Variants in FAM13B observed in about 807,000 individuals in gnomAD.
The protein encoded by FAM13B is protein FAM13B.
FAM13B carries 60 observed loss-of-function variants against 117.3 expected under a neutral mutation model. The observed-to-expected ratio is 0.51, with a 90% confidence interval of 0.42 to 0.63. The LOEUF is 0.63. FAM13B is among the 30% of genes least tolerant of loss of function. The pLI is 0.00. For synonymous variants in FAM13B, 332 were observed against 356.1 expected (o/e 0.93, Z 0.76); for missense variants, 972 against 1,091.9 (o/e 0.89, Z 1.55).
At position 137,960,189 on chromosome 5, in the gene FAM13B, C is replaced by T. The variant is rs1317713137; in HGVS notation, c.1270G>A (p.Asp424Asn). 1 of 1,532,590 alleles carries T rather than the reference C, an allele frequency of 6.5e-7. No homozygotes were observed. Among genetic ancestry groups the T allele is most frequent in the Non-Finnish European group, 8.9e-7 (1 of 1,120,352 alleles). The allele number at this position is 1,532,590 out of a possible 1,614,324, so 94.9% of individuals were successfully genotyped here. The stretch of plus-strand genomic sequence containing the variant: ...ACCAGAATCAAGTGTGACAATTTAT[C>T]ACTGTCAAATAACAAATATTCTTCC... ...EREEYLLFDS[D>N]KLSHLILDSS... The change falls in exon 12 of 24, where the codon GAT (aspartate) becomes AAT (asparagine). Residue 424 changes from aspartate to asparagine, a missense_variant. By Grantham distance (23) the Asp-to-Asn change is conservative (BLOSUM62 1). Coordinates refer to ENST00000689681, the MANE Select transcript of FAM13B (RefSeq NM_001385994.1).
At position 138,011,009 on chromosome 5, in the gene FAM13B, T is replaced by C. The variant is rs896489183; in HGVS notation, c.689A>G (p.Gln230Arg). ...SSNDLSSITE[Q>R]VNELSEEEEE... is the part of the protein sequence containing the mutation. ...TCCCTCCAAATAGAATATTCTCACC[T>C]GTTCAGTAATTGAACTCAAATCATT... Residue 230 changes from glutamine (Q) to arginine (R), a missense_variant and splice_region_variant, in exon 6 of 24, where the codon CAG becomes CGG. Physicochemically the swap from Gln to Arg is conservative, Grantham distance 43. Transcript: ENST00000689681. 1.3e-6 allele frequency: 2 copies of C among 1,569,534 alleles called. No individual in the cohort carries two copies. The highest frequency in any genetic ancestry group is 2.7e-5 in the African/African-American group (2 of 72,728).
At chr5:137,948,877 C>A in intron 18 of FAM13B, 78 bp downstream of exon 18, 1 of 1,113,106 alleles carries the variant, frequency 9.0e-7, no homozygotes, top group Non-Finnish European at 1.3e-6. Flanking sequence ...ACCTAGACAT[C>A]TCTACCCTGC....
In FAM13B at chr5:137,966,488, T is replaced by TATAG. The variant is rs1461425784; in HGVS notation, c.1180-4020_1180-4019insCTAT. On this transcript the variant is annotated intron_variant, in intron 10 of 23. Transcript: ENST00000689681. ...ATATATATATATATATATATATATA[T>TATAG]AGAGAGAGAGAGAGAGAGAGAGAGA... is the stretch of plus-strand genomic sequence containing the variant. Among the ~76,000 whole-genome samples the TATAG allele has an allele frequency of 4.9e-3, 143 of 29,476 alleles. 1 individual carries two copies. Among genetic ancestry groups the TATAG allele is most frequent in the African/African-American group, 7.1e-3 (56 of 7,868 alleles). The allele number at this position is 29,476 out of a possible 152,430, so 19.3% of individuals were successfully genotyped here.
chr5:138,040,937 G>A (rs545012540), intron 1 of FAM13B, among the ~76,000 whole-genome samples: 3 of 151,706 alleles, frequency 2.0e-5, no homozygotes, highest in Non-Finnish European at 2.9e-5. Context: ...GGTGGCACAC[G>A]CCTGTAATCC....
chr5:138,039,452 AG>A (rs1791404046), intron 1 of FAM13B: 1 of 152,028 alleles, frequency 6.6e-6, no homozygotes, highest in African/African-American at 2.4e-5. Flanking sequence ...GTTGCTTCTC[AG>A]CACCTTTTTT....
At position 138,021,191 on chromosome 5, in the gene FAM13B, A is replaced by C. The variant is rs2150986956; in HGVS notation, c.-196T>G. On this transcript the variant is annotated 5_prime_UTR_variant, in exon 2 of 24. Transcript: ENST00000689681. ...TGCAGAACTCGATCAGTACTTCAGCAGTTAATCTACAAGACAAAAACAATT... is the reference window on the plus strand; with the variant it reads ...TGCAGAACTCGATCAGTACTTCAGCCGTTAATCTACAAGACAAAAACAATT... 8.1e-7 allele frequency: 1 copy of C among 1,231,662 alleles called. No individual in the cohort carries two copies. Among genetic ancestry groups the C allele is most frequent in the Non-Finnish European group, 1.0e-6 (1 of 987,898 alleles). The allele number at this position is 1,231,662 out of a possible 1,614,324, so 76.3% of individuals were successfully genotyped here.
At chr5:138,022,263 G>A (rs150454204) in intron 1 of FAM13B, among the ~76,000 whole-genome samples, 3 of 152,218 alleles carry the variant, frequency 2.0e-5, no homozygotes, top group African/African-American at 7.2e-5. Flanking sequence ...TAGAGAGAGA[G>A]AGAAGAACTT....
At chr5:138,004,347 A>G (rs1420123850) in intron 7 of FAM13B, among the ~76,000 whole-genome samples, 1 of 151,802 alleles carries the variant, frequency 6.6e-6, no homozygotes, top group African/African-American at 2.4e-5. Context: ...ACAAAACCAG[A>G]CAGATGATCG....
At chr5:137,960,259 C>G in intron 11 of FAM13B, 45 bp from the exon 12 acceptor site, 2 of 1,119,276 alleles carry the variant, frequency 1.8e-6, no homozygotes, top group Non-Finnish European at 2.6e-6. Flanking sequence ...AATAAAAAGG[C>G]TACTATCATT....
intron 14 of FAM13B, among the ~76,000 whole-genome samples, chr5:137,955,378 A>G (rs1766216295): frequency 8.4e-5 from 1 of 11,932 alleles, no homozygotes; most frequent in African/African-American, 1.6e-4. Context: ...ATATATTTTA[A>G]TAATACCCAA....
intron 10 of FAM13B, among the ~76,000 whole-genome samples, chr5:137,967,487 C>A (rs1477554868): frequency 6.6e-6 from 1 of 151,894 alleles, no homozygotes; most frequent in Non-Finnish European, 1.5e-5. Flanking sequence ...CGCACCACTG[C>A]ACTTCAACCT....
intron 10 of FAM13B, 42 bp from the exon 11 acceptor site, chr5:137,962,511 T>G: frequency 4.5e-6 from 7 of 1,547,284 alleles, no homozygotes; most frequent in Non-Finnish European, 6.2e-6. Flanking sequence ...GAGCTCCCAA[T>G]ACTCAGATAA....
intron 20 of FAM13B, 115 bp from the exon 21 acceptor site, chr5:137,943,331 T>C: frequency 1.2e-6 from 1 of 801,438 alleles, no homozygotes; most frequent in Admixed American, 2.7e-5. Flanking sequence ...CTTAAACATT[T>C]GCTTTAAATC....
At chr5:138,049,053 TGCCTCAGCCACCC>T (rs1791722378) in intron 1 of FAM13B, among the ~76,000 whole-genome samples, 1 of 151,830 alleles carries the variant, frequency 6.6e-6, no homozygotes, top group Admixed American at 6.6e-5. Flanking sequence ...GTGATTCTCG[TGCCTCAGCCACCC>T]GACTAGCTGG....
intron 20 of FAM13B, 45 bp downstream of exon 20, chr5:137,945,857 C>T (rs556788319): frequency 7.0e-7 from 1 of 1,422,668 alleles, no homozygotes; most frequent in South Asian, 1.2e-5. Context: ...GGGAAGAGTA[C>T]ATCTTGATAA....
chr5:137,952,601 T>C lies in FAM13B; in HGVS notation c.1930+27A>G, dbSNP rs759499495. The C allele has an allele frequency of 1.2e-5, 18 of 1,447,744 alleles. No homozygotes were observed. The South Asian group carries it at 1.8e-4, about 14-fold the overall frequency. 89.7% of individuals were successfully genotyped at this position (1,447,744 alleles called of 1,614,324 possible). A position where few individuals can be genotyped will look rare whatever the true frequency, so the allele number is the denominator to read the frequency against. ...TATAAAAAAATTTTTAAAATGCAAA[T>C]ATATTACAAAATGGCACATAATATA... On this transcript the variant is annotated intron_variant, in intron 17 of 23. Coordinates refer to ENST00000689681, the MANE Select transcript of FAM13B (RefSeq NM_001385994.1).
chr5:138,007,510 T>C (rs966036046), intron 6 of FAM13B, among the ~76,000 whole-genome samples: 1 of 152,216 alleles, frequency 6.6e-6, no homozygotes, highest in African/African-American at 2.4e-5. Context: ...AGACTTTTAA[T>C]TGATCTGATT....
At chr5:138,029,840 T>C (rs910640645) in intron 1 of FAM13B, among the ~76,000 whole-genome samples, 3 of 152,276 alleles carry the variant, frequency 2.0e-5, no homozygotes, top group Non-Finnish European at 4.4e-5. Context: ...ACTGAACTTT[T>C]TCTATTCTGT....
intron 7 of FAM13B, among the ~76,000 whole-genome samples, chr5:138,000,597 C>T (rs1016702104): frequency 4.6e-5 from 7 of 151,916 alleles, no homozygotes; most frequent in Non-Finnish European, 7.4e-5. Context: ...TAATAAAAAT[C>T]CACGAGGTCA....
Sources: allele counts gnomAD v4.1 joint callset (sites outside exome capture counted in the v4.1 genomes callset), GRCh38; gene constraint gnomAD v4.1.1; transcripts MANE v1.5; gene names NCBI Gene and HGNC (gene_info 2026-07-23, HGNC 2026-07-21).